RAD9B: variants seen among roughly 807,000 people sequenced by gnomAD.
The protein encoded by RAD9B is RAD9 checkpoint clamp component B, also known as cell cycle checkpoint control protein RAD9B.
A neutral mutation model predicts 48.3 loss-of-function variants in RAD9B; 41 were observed. The ratio of observed to expected loss-of-function variants is 0.85; its 90% CI spans 0.66 to 1.10. The LOEUF (loss-of-function observed/expected upper bound fraction) is 1.10. Ranked by LOEUF, RAD9B falls within the 50% of genes least tolerant of loss-of-function variation. The probability of loss-of-function intolerance (pLI) is 0.00; values close to 1 mark genes in which losing one functional copy is unlikely to be tolerated. For missense variants in RAD9B, 444 were observed against 485.1 expected, an observed-to-expected ratio of 0.92 and a Z score of 0.80; for synonymous variants, 160 against 157.9, an observed-to-expected ratio of 1.01 and a Z score of -0.10.
chr12:110,502,467 C>G (rs1017643432), intron 1 of RAD9B, 84 bp downstream of exon 1: 15 of 1,518,036 alleles, frequency 9.9e-6, no homozygotes, highest in Non-Finnish European at 1.3e-5. Flanking sequence ...CTAATTTTTC[C>G]TCTTTGCCTT....
chr12:110,519,626 G>C (rs141184382), intron 8 of RAD9B, among the ~76,000 whole-genome samples, 168 bp from the exon 9 acceptor site: 342 of 152,106 alleles, frequency 2.2e-3, no homozygotes, highest in African/African-American at 7.7e-3. Flanking sequence ...AGTAGAGACG[G>C]GGTTTCTTCA....
At chr12:110,516,587 G>A (rs191734218) in intron 6 of RAD9B, among the ~76,000 whole-genome samples, 18 of 151,740 alleles carry the variant, frequency 1.2e-4, no homozygotes, top group African/African-American at 2.7e-4. Context: ...TGAGGCAGGC[G>A]GATCATGAGG....
chr12:110,517,870 G>A (rs1172065512), intron 6 of RAD9B, among the ~76,000 whole-genome samples: 1 of 151,790 alleles, frequency 6.6e-6, no homozygotes, highest in African/African-American at 2.4e-5. Context: ...TTATGAAATG[G>A]TATGTAGGGT....
At chr12:110,519,411 TG>T (rs200547983) in intron 8 of RAD9B, among the ~76,000 whole-genome samples, 20,307 of 145,450 alleles carry the variant, frequency 0.14, 1,956 homozygotes, top group African/African-American at 0.28. Flanking sequence ...GCCTACTGTT[TG>T]TTGTTGTTGT....
In RAD9B at chr12:110,503,861, C is replaced by T. The variant is rs765694866; in HGVS notation, c.102C>T (p.Asp34=). 1 of 1,572,754 alleles carries T rather than the reference C, an allele frequency of 6.4e-7. No homozygotes were observed. Among genetic ancestry groups the T allele is most frequent in the South Asian group, 1.2e-5 (1 of 84,776 alleles). ...LSRISDEFWL[D]PSKKGLALRC... ...GAATTAGTGACGAGTTCTGGCTAGACCCATCTAAAAAAGGTGTAAGTAAGA... is the reference window on the plus strand; with the variant it reads ...GAATTAGTGACGAGTTCTGGCTAGATCCATCTAAAAAAGGTGTAAGTAAGA... Residue 34 remains aspartate, a synonymous_variant, in exon 2 of 11, where the codon GAC becomes GAT. Transcript: ENST00000409300.
intron 6 of RAD9B, among the ~76,000 whole-genome samples, chr12:110,518,222 A>G (rs1382456986): frequency 2.6e-5 from 4 of 151,216 alleles, no homozygotes; most frequent in Non-Finnish European, 1.5e-5. Flanking sequence ...AAAAATGTGC[A>G]TGTAAGTGGC....
In RAD9B at chr12:110,531,310, A is replaced by G. The variant is rs1053387740; in HGVS notation, c.*657A>G. ...CAGGTCCAAGCGATTCTCCTGCCTC[A>G]GCCTCCCGTGCAGCTGGGATTGCAG... is the stretch of plus-strand genomic sequence containing the variant. On this transcript the variant is annotated 3_prime_UTR_variant, in exon 11 of 11. Coordinates refer to ENST00000409300, the MANE Select transcript of RAD9B (RefSeq NM_001286535.2). 2.6e-5 allele frequency: 11 copies of G among 423,546 alleles called. No homozygotes were observed. The Admixed American group carries it at 4.2e-4, about 16-fold the overall frequency. 26.2% of individuals were successfully genotyped at this position (423,546 alleles called of 1,614,324 possible). A position where few individuals can be genotyped will look rare whatever the true frequency, so the allele number is the denominator to read the frequency against.
chr12:110,507,059 C>T (rs892052375), intron 4 of RAD9B, among the ~76,000 whole-genome samples: 2 of 151,944 alleles, frequency 1.3e-5, no homozygotes, highest in African/African-American at 2.4e-5. Context: ...AGGCTGATCT[C>T]GAACTCCTGA....
Position 110,531,108 on chromosome 12 carries a change from C to G in RAD9B, c.*455C>G, listed in dbSNP as rs554914476. 3.0e-6 allele frequency: 3 copies of G among 993,740 alleles called. No homozygotes were observed. Among genetic ancestry groups the G allele is most frequent in the African/African-American group, 3.5e-5 (2 of 57,268 alleles). 61.6% of individuals were successfully genotyped at this position (993,740 alleles called of 1,614,324 possible). On this transcript the variant is annotated 3_prime_UTR_variant, in exon 11 of 11. Transcript: ENST00000409300. ...TTAGTTTTCTCATGTAATACCATGGCCTTTTTTGTGCATTGTTTTTTATAT... is the reference window on the plus strand; with the variant it reads ...TTAGTTTTCTCATGTAATACCATGGGCTTTTTTGTGCATTGTTTTTTATAT...
At chr12:110,525,480 CTG>C (rs60646541) in intron 10 of RAD9B, among the ~76,000 whole-genome samples, 130 of 152,172 alleles carry the variant, frequency 8.5e-4, no homozygotes, top group African/African-American at 3.1e-3. Context: ...TGGGTTTTTT[CTG>C]TGTTTCCTCA....
Position 110,510,470 on chromosome 12 carries a change from C to G in RAD9B, c.389-2309C>G, listed in dbSNP as rs185564360. 2.7e-3 allele frequency among the ~76,000 whole-genome samples: 412 copies of G among 152,244 alleles called. 5 individuals carry two copies. Among genetic ancestry groups the G allele is most frequent in the African/African-American group, 9.2e-3 (384 of 41,552 alleles). On this transcript the variant is annotated intron_variant, in intron 4 of 10. Coordinates refer to ENST00000409300, the MANE Select transcript of RAD9B (RefSeq NM_001286535.2). ...CACCATAAGTGTTATTGTGTGAGTT[C>G]CGAGCTGAGTCCTGTCAGCTTCCAC...
intron 6 of RAD9B, among the ~76,000 whole-genome samples, chr12:110,517,049 A>G (rs2063620106): frequency 6.6e-6 from 1 of 152,058 alleles, no homozygotes; most frequent in Non-Finnish European, 1.5e-5. Context: ...TATTAAAAGT[A>G]ACATTGGCCA....
chr12:110,520,780 C>T (rs1450700104), intron 9 of RAD9B, among the ~76,000 whole-genome samples: 4 of 151,204 alleles, frequency 2.6e-5, no homozygotes, highest in African/African-American at 7.3e-5. Flanking sequence ...CCTCCCTAGT[C>T]GCTGGGATGA....
intron 8 of RAD9B, among the ~76,000 whole-genome samples, chr12:110,519,348 C>G (rs887553221): frequency 2.0e-5 from 3 of 152,100 alleles, no homozygotes; most frequent in Non-Finnish European, 4.4e-5. Flanking sequence ...AAGAGATCCA[C>G]CAGCCTCGGC....
At chr12:110,529,738 G>C (rs1019309177) in intron 10 of RAD9B, among the ~76,000 whole-genome samples, 1 of 152,180 alleles carries the variant, frequency 6.6e-6, no homozygotes, top group African/African-American at 2.4e-5. Context: ...GGCAAAACCT[G>C]ATAACAAATA....
Position 110,533,405 on chromosome 12 carries a change from A to G in RAD9B, c.*2752A>G, listed in dbSNP as rs551427364. 59 of 152,354 alleles carry G rather than the reference A, an allele frequency of 3.9e-4. No individual in the cohort carries two copies. The highest frequency in any genetic ancestry group is 1.4e-3 in the African/African-American group (59 of 41,584). 9.4% of individuals were successfully genotyped at this position (152,354 alleles called of 1,614,324 possible). ...AGTCTCAACAGAAAAAAAGCAGCTC[A>G]TTAGTATACACACAGATTCTAATTT... On this transcript the variant is annotated 3_prime_UTR_variant, in exon 11 of 11. Coordinates refer to ENST00000409300, the MANE Select transcript of RAD9B (RefSeq NM_001286535.2).
At chr12:110,520,528 GT>G (rs1474171163) in intron 9 of RAD9B, among the ~76,000 whole-genome samples, 1 of 128,424 alleles carries the variant, frequency 7.8e-6, no homozygotes, top group Non-Finnish European at 1.7e-5. Context: ...TTTTTTTTTT[GT>G]TTTTTTTTAG....
chr12:110,511,501 C>T (rs1474848074), intron 4 of RAD9B: 4 of 453,304 alleles, frequency 8.8e-6, no homozygotes, highest in South Asian at 4.7e-5. Flanking sequence ...ATTGCATGTT[C>T]TCACAATGTG....
At chr12:110,523,428 T>G (rs1460070304) in intron 10 of RAD9B, among the ~76,000 whole-genome samples, 1 of 152,028 alleles carries the variant, frequency 6.6e-6, no homozygotes, top group Non-Finnish European at 1.5e-5. Context: ...CACTGTTTCT[T>G]AAAAAAATAA....
Sources: gnomAD v4.1 joint callset for allele counts (sites outside exome capture counted in the v4.1 genomes callset) on GRCh38, gnomAD v4.1.1 for gene constraint, MANE v1.5 for transcripts, NCBI Gene and HGNC (gene_info 2026-07-23, HGNC 2026-07-21) for gene names.